CAD: variants seen among roughly 807,000 people sequenced by gnomAD.
The protein encoded by CAD is carbamoyl-phosphate synthetase 2, aspartate transcarbamylase, and dihydroorotase.
Under a neutral mutation model 237.2 loss-of-function variants are expected in CAD, and 81 were observed. The ratio of observed to expected loss-of-function variants is 0.34; its 90% confidence interval spans 0.29 to 0.41. The LOEUF (loss-of-function observed/expected upper bound fraction) is 0.41, where lower values mean the gene tolerates loss of function less well. Among genes scored for constraint, CAD ranks in the 10% least tolerant of loss-of-function variants. CAD has a pLI of 1.00. For missense variants in CAD, 2,181 were observed against 2,951.7 expected (o/e 0.74, Z 6.05); for synonymous variants, 1,196 against 1,162.8 (o/e 1.03, Z -0.58).
chr2:27,217,538 T>C lies in CAD; in HGVS notation c.-14T>C. Reference sequence around the variant, plus strand: ...GCTTCTCCGTACTCGCCCCCGCCTCTGAGCTCCCTTCCCATGGCGGCCCTA... The same window carrying C: ...GCTTCTCCGTACTCGCCCCCGCCTCCGAGCTCCCTTCCCATGGCGGCCCTA... On this transcript the variant is annotated 5_prime_UTR_variant, in exon 1 of 44. Transcript: ENST00000264705. 6.3e-7 allele frequency: 1 copy of C among 1,598,560 alleles called. No individual in the cohort carries two copies. Among genetic ancestry groups the C allele is most frequent in the Non-Finnish European group, 8.5e-7 (1 of 1,172,122 alleles).
Position 27,239,755 on chromosome 2 carries a change from C to T in CAD, c.5453C>T (p.Pro1818Leu). Reference sequence around the variant, plus strand: ...CGGAAGTGGCCACAGGGGGCTGTTCCTCAGCTCCCACCCTCAGCCCCTGCC... The same window carrying T: ...CGGAAGTGGCCACAGGGGGCTGTTCTTCAGCTCCCACCCTCAGCCCCTGCC... ...DVRKWPQGAV[P>L]QLPPSAPATS... is the part of the protein sequence containing the mutation. Residue 1818 changes from proline to leucine, a missense_variant, in exon 34 of 44, where the codon CCT becomes CTT. Physicochemically the swap from Pro to Leu is moderately conservative, Grantham distance 98 (BLOSUM62 -3). Around this residue, in one of 12 missense-constraint regions of CAD, gnomAD observed 478 missense variants for 515.0 expected, o/e 0.93. Coordinates refer to ENST00000264705, the MANE Select transcript of CAD (RefSeq NM_004341.5). The surrounding 1 kb of genome is among the most constrained non-coding windows in gnomAD (Gnocchi z 4.0). The T allele has an allele frequency of 1.3e-6, 2 of 1,590,966 alleles. No individual in the cohort carries two copies. The highest frequency in any genetic ancestry group is 1.7e-6 in the Non-Finnish European group (2 of 1,167,822).
Position 27,234,499 on chromosome 2 carries a change from C to G in CAD, c.3619-19C>G, listed in dbSNP as rs1227431447. 6.2e-7 allele frequency: 1 copy of G among 1,611,656 alleles called. No homozygotes were observed. The highest frequency in any genetic ancestry group is 8.5e-7 in the Non-Finnish European group (1 of 1,178,644). The stretch of plus-strand genomic sequence containing the variant: ...CAAGGCCAACCTGCAGAAGGCCTGA[C>G]CAGTCTTCTCTGCCCCAGGATGACC... On this transcript the variant is annotated intron_variant, in intron 22 of 43. Coordinates refer to ENST00000264705, the MANE Select transcript of CAD (RefSeq NM_004341.5).
chr2:27,240,337 C>T lies in CAD; in HGVS notation c.5569C>T (p.Arg1857Ter). 2.5e-6 allele frequency: 4 copies of T among 1,614,146 alleles called. No individual in the cohort carries two copies. Among genetic ancestry groups the T allele is most frequent in the South Asian group, 1.1e-5 (1 of 91,084 alleles). The change falls in exon 35 of 44, where the codon CGA becomes TGA. Residue 1857 changes from arginine to a stop codon, truncating the protein, a stop_gained. Transcript: ENST00000264705. LOFTEE classifies it high-confidence loss of function. The surrounding 1 kb of genome is among the most constrained non-coding windows in gnomAD (Gnocchi z 4.6). The stretch of plus-strand genomic sequence containing the variant: ...CTTCCATCTGCCGCCCCGAATCCAT[C>T]GAGCCTCCGACCCAGGTTTGCCAGG... ...GRFHLPPRIHRASDPGLPAEE... is the reference protein window; with the variant it reads ...GRFHLPPRIH
In CAD at chr2:27,238,573, A is replaced by G. The variant is rs754247020; in HGVS notation, c.5003A>G (p.Gln1668Arg). 6.2e-7 allele frequency: 1 copy of G among 1,614,054 alleles called. No homozygotes were observed. The highest frequency in any genetic ancestry group is 1.1e-5 in the South Asian group (1 of 91,058). Residue 1668 changes from glutamine (Q) to arginine (R), a missense_variant, in exon 31 of 44, where the codon CAG (glutamine) becomes CGG (arginine). Gln to Arg is a conservative substitution (Grantham distance 43). Coordinates refer to ENST00000264705, the MANE Select transcript of CAD (RefSeq NM_004341.5). ...GEVRPELGSR[Q>R]DVEALWENMA... Reference sequence around the variant, plus strand: ...GTCCGGCCTGAGCTTGGCTCCCGCCAGGATGTGGAAGCCCTGTGGGAGAAC... The same window carrying G: ...GTCCGGCCTGAGCTTGGCTCCCGCCGGGATGTGGAAGCCCTGTGGGAGAAC...
intron 14 of CAD, 69 bp downstream of exon 14, chr2:27,226,718 GGGAATATGAAAAGGACATTGGCCT>G: frequency 6.2e-7 from 1 of 1,605,940 alleles, no homozygotes; most frequent in Non-Finnish European, 8.5e-7. Flanking sequence ...TGATGGGACA[GGGAATATGAAAAGGACATTGGCCT>G]GGATTTGTGG....
rs1374523554 is a variant in CAD, at chr2:27,226,262, C to T, written c.1974C>T (p.His658=). ...AGACAGCTATCAAGGTGACCCAGCA[C>T]CTGGGAATTGTTGGGGAGTGCAATG... ...LRQTAIKVTQ[H]LGIVGECNVQ... Residue 658 remains histidine (H), a synonymous_variant, in exon 13 of 44, where the codon CAC becomes CAT. Coordinates refer to ENST00000264705, the MANE Select transcript of CAD (RefSeq NM_004341.5). 3 of 1,614,160 alleles carry T rather than the reference C, an allele frequency of 1.9e-6. No homozygotes were observed. The highest frequency in any genetic ancestry group is 2.5e-6 in the Non-Finnish European group (3 of 1,180,022).
Position 27,235,231 on chromosome 2 carries a change from T to C in CAD, c.3787-14T>C. 1 of 1,594,300 alleles carries C rather than the reference T, an allele frequency of 6.3e-7. No individual in the cohort carries two copies. Among genetic ancestry groups the C allele is most frequent in the Non-Finnish European group, 8.6e-7 (1 of 1,169,278 alleles). On this transcript the variant is annotated splice_polypyrimidine_tract_variant and intron_variant, in intron 23 of 43. Coordinates refer to ENST00000264705, the MANE Select transcript of CAD (RefSeq NM_004341.5). The surrounding 1 kb of genome is among the most constrained non-coding windows in gnomAD (Gnocchi z 5.2). ...TCACACCTTGGCCCTCTCTCTTCCC[T>C]CCCGCCCCTTTAGGTGCCTCAGTTC...
Position 27,239,260 on chromosome 2 carries a change from G to C in CAD, c.5253+28G>C, listed in dbSNP as rs773791515. On this transcript the variant is annotated intron_variant, in intron 32 of 43. Coordinates refer to ENST00000264705, the MANE Select transcript of CAD (RefSeq NM_004341.5). This position sits in a 1 kb window ranked among gnomAD's most constrained non-coding sequence, Gnocchi z 4.0. ...GTGGGGATGAGGCCCAGAGCAGGAG[G>C]GGGGCTCTCCAGCCCTAGGATATGT... is the stretch of plus-strand genomic sequence containing the variant. The C allele has an allele frequency of 5.6e-6, 9 of 1,600,934 alleles. No individual in the cohort carries two copies. Among genetic ancestry groups the C allele is most frequent in the Middle Eastern group, 1.7e-4 (1 of 6,016 alleles).
intron 16 of CAD, 109 bp downstream of exon 16, chr2:27,231,689 A>G (rs1675766099): frequency 4.1e-6 from 3 of 730,772 alleles, no homozygotes; most frequent in Non-Finnish European, 7.0e-6. Flanking sequence ...ATCATTGGAC[A>G]TTTGCTTTGT....
chr2:27,225,096 C>T lies in CAD; in HGVS notation c.1473C>T (p.Ala491=), dbSNP rs770974703. The T allele has an allele frequency of 1.2e-5, 20 of 1,613,960 alleles. No homozygotes were observed. The highest frequency in any genetic ancestry group is 1.5e-5 in the Non-Finnish European group (18 of 1,180,026). ...ALNCGVELTK[A]GVLARYGVRV... ...ACTGTGGTGTGGAGCTGACCAAGGC[C>T]GGGGTGCTGGCTCGGTATGGGGTCC... Residue 491 remains alanine (A), a synonymous_variant, in exon 11 of 44, where the codon GCC becomes GCT. Coordinates refer to ENST00000264705, the MANE Select transcript of CAD (RefSeq NM_004341.5).
chr2:27,222,048 C>T (rs1261823297), intron 3 of CAD, 146 bp from the exon 4 acceptor site: 14 of 714,406 alleles, frequency 2.0e-5, no homozygotes, highest in South Asian at 1.9e-4. Context: ...TGGTAGTATA[C>T]TTCTGTCACA....
Position 27,238,469 on chromosome 2 carries a change from A to C in CAD, c.4899A>C (p.Pro1633=). The C allele has an allele frequency of 6.2e-7, 1 of 1,604,212 alleles. No individual in the cohort carries two copies. Among genetic ancestry groups the C allele is most frequent in the Non-Finnish European group, 8.5e-7 (1 of 1,175,268 alleles). Residue 1633 remains proline (P), a synonymous_variant, in exon 31 of 44, where the codon CCA becomes CCC. Coordinates refer to ENST00000264705, the MANE Select transcript of CAD (RefSeq NM_004341.5). ...LIKAAKARGL[P]VTCEVAPHHL... is the part of the protein sequence containing the mutation. ...AAGCTGCAAAGGCACGGGGCTTGCC[A>C]GTGACCTGCGAGGTGGCTCCCCACC...
Position 27,239,314 on chromosome 2 carries a change from C to G in CAD, c.5254-17C>G, listed in dbSNP as rs1676180900. The G allele has an allele frequency of 6.2e-7, 1 of 1,610,550 alleles. No homozygotes were observed. On this transcript the variant is annotated splice_polypyrimidine_tract_variant and intron_variant, in intron 32 of 43. Coordinates refer to ENST00000264705, the MANE Select transcript of CAD (RefSeq NM_004341.5). This position sits in a 1 kb window ranked among gnomAD's most constrained non-coding sequence, Gnocchi z 4.0. Reference sequence around the variant, plus strand: ...CTGGGGATCCTTTCCCTAGCATAACCCATGTCCTCTGGGCAGGTGGATCTG... The same window carrying G: ...CTGGGGATCCTTTCCCTAGCATAACGCATGTCCTCTGGGCAGGTGGATCTG...
At position 27,236,175 on chromosome 2, in the gene CAD, G is replaced by T. The variant is rs1675992003; in HGVS notation, c.4075-109G>T. On this transcript the variant is annotated intron_variant, in intron 25 of 43. Transcript: ENST00000264705. The surrounding 1 kb of genome is among the most constrained non-coding windows in gnomAD (Gnocchi z 4.1). Reference sequence around the variant, plus strand: ...GCAGCCCTCAGTGCCCACCCTATGGGTCCTCAGTCTCCTCATCATGGGCTC... The same window carrying T: ...GCAGCCCTCAGTGCCCACCCTATGGTTCCTCAGTCTCCTCATCATGGGCTC... 1.0e-5 allele frequency: 15 copies of T among 1,448,790 alleles called. No individual in the cohort carries two copies. Among genetic ancestry groups the T allele is most frequent in the Non-Finnish European group, 1.4e-5 (15 of 1,069,736 alleles). 89.7% of individuals were successfully genotyped at this position (1,448,790 alleles called of 1,614,324 possible).
At chr2:27,224,570 G>T (rs1675338007) in intron 9 of CAD, 80 bp downstream of exon 9, 2 of 1,569,934 alleles carry the variant, frequency 1.3e-6, no homozygotes, top group East Asian at 2.2e-5. Context: ...GGCTAAGGTT[G>T]CAGGGAGGAA....
rs375233070 is a variant in CAD at position 27,232,464 on chromosome 2, C to A, written c.2662C>A (p.Arg888Ser). The A allele has an allele frequency of 3.1e-6, 5 of 1,614,044 alleles. No individual in the cohort carries two copies. Among genetic ancestry groups the A allele is most frequent in the Non-Finnish European group, 4.2e-6 (5 of 1,180,046 alleles). ...LAVLSTELAV[R>S]KLRQELGICP... ...CTATTTTAGCACAGAGCTGGCTGTT[C>A]GCAAGCTGCGTCAGGAACTGGGGAT... The change falls in exon 18 of 44, where the codon CGC (arginine) becomes AGC (serine). Residue 888 changes from arginine to serine, a missense_variant. Arg to Ser is a moderately radical substitution (Grantham distance 110). This residue lies in a region of CAD where 385 missense variants were observed against 535.1 expected (regional missense o/e 0.72). Coordinates refer to ENST00000264705, the MANE Select transcript of CAD (RefSeq NM_004341.5). The surrounding 1 kb of genome is among the most constrained non-coding windows in gnomAD (Gnocchi z 4.1).
At chr2:27,218,880 C>A (rs1010127332) in intron 2 of CAD, among the ~76,000 whole-genome samples, 1 of 152,186 alleles carries the variant, frequency 6.6e-6, no homozygotes, top group Non-Finnish European at 1.5e-5. Context: ...AATTTGCCTT[C>A]CCAGCCACCC....
At position 27,225,807 on chromosome 2, in the gene CAD, T is replaced by A; in HGVS notation, c.1723T>A (p.Ser575Thr). ...SGFASNREELSALVAPAFAHT... is the reference protein window; with the variant it reads ...SGFASNREELTALVAPAFAHT... ...CTTTGCCTCTAACAGGGAGGAGCTC[T>A]CTGCTCTCGTGGCCCCAGCTTTTGC... Residue 575 changes from serine to threonine, a missense_variant, in exon 12 of 44, where the codon TCT (serine) becomes ACT (threonine). Physicochemically the swap from Ser to Thr is moderately conservative, Grantham distance 58 (BLOSUM62 1). Coordinates refer to ENST00000264705, the MANE Select transcript of CAD (RefSeq NM_004341.5). 1.2e-6 allele frequency: 2 copies of A among 1,614,138 alleles called. No individual in the cohort carries two copies. Among genetic ancestry groups the A allele is most frequent in the Non-Finnish European group, 1.7e-6 (2 of 1,179,968 alleles).
Position 27,231,520 on chromosome 2 carries a change from G to T in CAD, c.2340G>T (p.Leu780=). ...TTGAGGAGGCCTTCCAGAAGGCCCT[G>T]CGCATGGTGGATGAGAACTGTGTGG... The part of the protein sequence containing the change: ...RSFEEAFQKA[L]RMVDENCVGF... Residue 780 remains leucine (L), a synonymous_variant, in exon 16 of 44, where the codon CTG becomes CTT. Coordinates refer to ENST00000264705, the MANE Select transcript of CAD (RefSeq NM_004341.5). 1 of 1,613,978 alleles carries T rather than the reference G, an allele frequency of 6.2e-7. No homozygotes were observed.
Sources: allele counts gnomAD v4.1 joint callset (sites outside exome capture counted in the v4.1 genomes callset), GRCh38; gene constraint gnomAD v4.1.1; regional missense constraint gnomAD v4.1.1; non-coding constraint Gnocchi (gnomAD v3.1); transcripts MANE v1.5; gene names NCBI Gene and HGNC (gene_info 2026-07-23, HGNC 2026-07-21).